Variants in RAI14 observed in about 807,000 individuals in gnomAD.
The protein encoded by RAI14 is ankycorbin.
RAI14 carries 45 observed loss-of-function variants against 115.4 expected under a neutral mutation model. The observed-to-expected ratio is 0.39, with a 90% CI of 0.31 to 0.50. RAI14 has a LOEUF of 0.50. Ranked by LOEUF, RAI14 falls within the 20% of genes least tolerant of loss-of-function variation. RAI14 has a pLI of 0.85. For missense variants in RAI14, 939 were observed against 1,131.2 expected (o/e 0.83, Z 2.44); for synonymous variants, 371 against 415.4 (o/e 0.89, Z 1.30).
intron 1 of RAI14, among the ~76,000 whole-genome samples, chr5:34,681,861 T>TA (rs1744409545): frequency 6.7e-6 from 1 of 149,776 alleles, no homozygotes; most frequent in East Asian, 1.9e-4. Context: ...TCTTTCTTTT[T>TA]TTTTTTTTTT....
Position 34,823,455 on chromosome 5 carries a change from A to T in RAI14, c.1613A>T (p.Asp538Val). 6.2e-7 allele frequency: 1 copy of T among 1,614,210 alleles called. No individual in the cohort carries two copies. Among genetic ancestry groups the T allele is most frequent in the Non-Finnish European group, 8.5e-7 (1 of 1,180,032 alleles). ...TEEEINVLKQ[D>V]LQNALEESER... ...GAGGAAATAAATGTGCTAAAGCAGG[A>T]TCTGCAGAATGCATTAGAAGAAAGT... is the stretch of plus-strand genomic sequence containing the variant. The change falls in exon 15 of 18, where the codon GAT becomes GTT. Residue 538 changes from aspartate (D) to valine (V), a missense_variant. Asp to Val is a radical substitution (Grantham distance 152). Coordinates refer to ENST00000265109, the MANE Select transcript of RAI14 (RefSeq NM_015577.3). This position sits in a 1 kb window ranked among gnomAD's most constrained non-coding sequence, Gnocchi z 4.5.
At chr5:34,766,467 A>T (rs1212010896) in intron 3 of RAI14, among the ~76,000 whole-genome samples, 1 of 152,064 alleles carries the variant, frequency 6.6e-6, no homozygotes, top group Non-Finnish European at 1.5e-5. Flanking sequence ...TTAAAATTTG[A>T]TTGCCCCGCT....
chr5:34,818,731 T>A, intron 12 of RAI14, 66 bp from the exon 13 acceptor site: 1 of 1,380,806 alleles, frequency 7.2e-7, no homozygotes, highest in Non-Finnish European at 1.0e-6. Context: ...GAGGAAAGTC[T>A]GCTTGATTCT....
chr5:34,745,555 G>A (rs979472921), intron 2 of RAI14, among the ~76,000 whole-genome samples: 3 of 152,048 alleles, frequency 2.0e-5, no homozygotes, highest in Non-Finnish European at 4.4e-5. Flanking sequence ...GTCATTGCAG[G>A]TACTCTCTCA....
intron 1 of RAI14, among the ~76,000 whole-genome samples, chr5:34,679,309 C>A (rs1396889365): frequency 6.6e-6 from 1 of 152,216 alleles, no homozygotes; most frequent in Non-Finnish European, 1.5e-5. Flanking sequence ...TCCAGCGTAA[C>A]CGTAGTGCTC....
intron 2 of RAI14, among the ~76,000 whole-genome samples, chr5:34,733,417 T>A (rs1298672144): frequency 6.6e-6 from 1 of 152,216 alleles, no homozygotes; most frequent in African/African-American, 2.4e-5. Flanking sequence ...ACTGCTCAAG[T>A]TAATGAGGTG....
At chr5:34,693,649 C>G (rs1271891120) in intron 2 of RAI14, among the ~76,000 whole-genome samples, 1 of 152,198 alleles carries the variant, frequency 6.6e-6, no homozygotes, top group Admixed American at 6.5e-5. Context: ...GCCAAAGTCG[C>G]ACATTTGGTA....
chr5:34,824,396 C>T lies in RAI14; in HGVS notation c.2554C>T (p.Leu852Phe), dbSNP rs776281580. ...ATCCAAAGAGCAAGAAGTAAATGAACTTCTGCAAAAATTCCAGCAAGCTCA... is the reference window on the plus strand; with the variant it reads ...ATCCAAAGAGCAAGAAGTAAATGAATTTCTGCAAAAATTCCAGCAAGCTCA... Reference protein sequence around the residue: ...LKSKEQEVNELLQKFQQAQEE... With the variant: ...LKSKEQEVNEFLQKFQQAQEE... Residue 852 changes from leucine to phenylalanine, a missense_variant, in exon 15 of 18, where the codon CTT becomes TTT. By Grantham distance (22) the Leu-to-Phe change is conservative. Coordinates refer to ENST00000265109, the MANE Select transcript of RAI14 (RefSeq NM_015577.3). The T allele has an allele frequency of 7.5e-6, 12 of 1,609,690 alleles. No individual in the cohort carries two copies. The Admixed American group carries it at 2.0e-4, about 27-fold the overall frequency.
intron 2 of RAI14, among the ~76,000 whole-genome samples, chr5:34,705,794 T>C (rs1322262534): frequency 3.3e-5 from 5 of 152,124 alleles, no homozygotes; most frequent in Non-Finnish European, 5.9e-5. Flanking sequence ...ATTACAGACA[T>C]GCACCACCAC....
intron 2 of RAI14, among the ~76,000 whole-genome samples, chr5:34,730,017 C>A (rs1743976630): frequency 6.6e-6 from 1 of 152,042 alleles, no homozygotes; most frequent in Non-Finnish European, 1.5e-5. Flanking sequence ...GCTATGTGGT[C>A]TGGGATTAAT....
At chr5:34,673,790 G>A (rs1358651746) in intron 1 of RAI14, among the ~76,000 whole-genome samples, 1 of 152,128 alleles carries the variant, frequency 6.6e-6, no homozygotes, top group Non-Finnish European at 1.5e-5. Flanking sequence ...AAACCAGCTA[G>A]AACTGGGTCT....
intron 3 of RAI14, among the ~76,000 whole-genome samples, chr5:34,761,956 A>T (rs995092565): frequency 1.3e-5 from 2 of 152,152 alleles, no homozygotes; most frequent in African/African-American, 4.8e-5. Flanking sequence ...ATGAACAGGA[A>T]CGACAACAGA....
chr5:34,765,042 C>T (rs139950618), intron 3 of RAI14, among the ~76,000 whole-genome samples: 2 of 152,268 alleles, frequency 1.3e-5, no homozygotes, highest in South Asian at 4.1e-4. Context: ...TTGCTTCTTC[C>T]TCATTTTTCT....
At chr5:34,725,839 G>A (rs62355679) in intron 2 of RAI14, among the ~76,000 whole-genome samples, 13,236 of 151,540 alleles carry the variant, frequency 0.087, 672 homozygotes, top group Middle Eastern at 0.22. Context: ...TGGCGTATGC[G>A]TGTAATCAGC....
intron 2 of RAI14, among the ~76,000 whole-genome samples, chr5:34,699,820 C>T (rs550349992): frequency 1.1e-4 from 16 of 152,156 alleles, no homozygotes; most frequent in South Asian, 2.1e-4. Context: ...TGATTCCAGC[C>T]GGCCAAGTAA....
intron 2 of RAI14, among the ~76,000 whole-genome samples, chr5:34,719,440 T>C (rs1220621160): frequency 4.6e-5 from 7 of 152,140 alleles, no homozygotes; most frequent in Non-Finnish European, 8.8e-5. Context: ...GGAGGAGAAA[T>C]AGATTATGCC....
intron 2 of RAI14, among the ~76,000 whole-genome samples, chr5:34,705,403 A>T (rs1340095877): frequency 6.6e-6 from 1 of 152,142 alleles, no homozygotes; most frequent in African/African-American, 2.4e-5. Flanking sequence ...TATATTATTA[A>T]AATTAATTTC....
chr5:34,803,874 C>T lies in RAI14; in HGVS notation c.321+98C>T, dbSNP rs1287306597. On this transcript the variant is annotated intron_variant, in intron 5 of 17. Coordinates refer to ENST00000265109, the MANE Select transcript of RAI14 (RefSeq NM_015577.3). ...ACAAACACACCCTCCATACACACTC[C>T]TTTAAATACTGTCCCCAAACCTGTG... The T allele has an allele frequency of 4.4e-5, 46 of 1,043,222 alleles. No homozygotes were observed. In the Middle Eastern group the frequency reaches 7.1e-4, roughly 16 times the overall value. The allele number at this position is 1,043,222 out of a possible 1,614,324, so 64.6% of individuals were successfully genotyped here.
chr5:34,785,174 C>T (rs1752148815), intron 3 of RAI14, among the ~76,000 whole-genome samples: 2 of 152,078 alleles, frequency 1.3e-5, no homozygotes, highest in Admixed American at 1.3e-4. Flanking sequence ...ACTTAGCGGC[C>T]ACTGTTCTAT....
Sources: gnomAD v4.1 joint callset for allele counts (sites outside exome capture counted in the v4.1 genomes callset) on GRCh38, gnomAD v4.1.1 for gene constraint, Gnocchi (gnomAD v3.1) non-coding constraint, MANE v1.5 for transcripts, NCBI Gene and HGNC (gene_info 2026-07-23, HGNC 2026-07-21) for gene names.